APLF: variants seen among roughly 807,000 people sequenced by gnomAD.
The protein encoded by APLF is aprataxin and PNK-like factor.
In APLF, 61 loss-of-function variants were observed where a neutral mutation model predicts 55.6. The observed-to-expected ratio is 1.10, with a 90% CI of 0.89 to 1.36. The LOEUF (loss-of-function observed/expected upper bound fraction) is 1.36, where lower values mean the gene tolerates loss of function less well. Ranked by LOEUF, APLF falls within the 40% of genes most tolerant of loss-of-function variation. The pLI, the probability that APLF is intolerant of heterozygous loss-of-function variation, is 0.00. For synonymous variants in APLF, 207 were observed against 214.8 expected (o/e 0.96, Z 0.32); for missense variants, 611 against 602.5 (o/e 1.01, Z -0.15).
chr2:68,529,446 C>A lies in APLF; in HGVS notation c.804+3204C>A. The A allele has an allele frequency of 8.5e-7, 1 of 1,170,692 alleles. No individual in the cohort carries two copies. Among genetic ancestry groups the A allele is most frequent in the East Asian group, 4.7e-5 (1 of 21,064 alleles). The allele number at this position is 1,170,692 out of a possible 1,614,324, so 72.5% of individuals were successfully genotyped here. On this transcript the variant is annotated intron_variant, in intron 6 of 9. Transcript: ENST00000303795. This position sits in a 1 kb window ranked among gnomAD's most constrained non-coding sequence, Gnocchi z 4.4. Reference sequence around the variant, plus strand: ...CTGCGGCGGAACCAGGAACAAAATACGCTTAGTGAGTTGTCCATTTTGAGC... The same window carrying A: ...CTGCGGCGGAACCAGGAACAAAATAAGCTTAGTGAGTTGTCCATTTTGAGC...
intron 8 of APLF, among the ~76,000 whole-genome samples, chr2:68,565,508 C>CAGATAGATAGAT (rs71395978): frequency 8.9e-4 from 131 of 146,478 alleles, no homozygotes; most frequent in African/African-American, 3.2e-3. Context: ...GACAGATAGA[C>CAGATAGATAGAT]AGATAGATAC....
intron 8 of APLF, among the ~76,000 whole-genome samples, chr2:68,555,255 G>C (rs575112970): frequency 6.6e-6 from 1 of 152,206 alleles, no homozygotes; most frequent in African/African-American, 2.4e-5. Flanking sequence ...CTTAGACAAG[G>C]ATTTCATAAC....
chr2:68,568,420 T>C (rs1671365754), intron 9 of APLF: 1 of 556,384 alleles, frequency 1.8e-6, no homozygotes, highest in South Asian at 7.9e-5. Flanking sequence ...AAACACACTT[T>C]AGTGCTTTAG....
In APLF at chr2:68,490,118, C is replaced by T. The variant is rs988670913; in HGVS notation, c.97-72C>T. The T allele has an allele frequency of 3.4e-5, 36 of 1,058,976 alleles. No individual in the cohort carries two copies. The Middle Eastern group carries it at 8.4e-4, about 25-fold the overall frequency. The allele number at this position is 1,058,976 out of a possible 1,614,324, so 65.6% of individuals were successfully genotyped here. A position where few individuals can be genotyped will look rare whatever the true frequency, so the allele number is the denominator to read the frequency against. On this transcript the variant is annotated intron_variant, in intron 1 of 9. Coordinates refer to ENST00000303795, the MANE Select transcript of APLF (RefSeq NM_173545.3). ...ATTTCAGAAACATCGCCAAGGGTTT[C>T]GTTTGCCTTTTTGTTTTGTTGCTTT...
At chr2:68,478,304 G>A (rs929850292) in intron 1 of APLF, among the ~76,000 whole-genome samples, 4 of 152,166 alleles carry the variant, frequency 2.6e-5, no homozygotes, top group Non-Finnish European at 4.4e-5. Flanking sequence ...AAAGGAAAAG[G>A]AAATTCATGA....
chr2:68,578,648 T>C lies in APLF; in HGVS notation c.*626T>C. On this transcript the variant is annotated 3_prime_UTR_variant, in exon 10 of 10. Coordinates refer to ENST00000303795, the MANE Select transcript of APLF (RefSeq NM_173545.3). ...ACCATGTAGGGAATGTTATTTTGTG[T>C]TCCACATCTGCAATTTACTGTATGT... is the stretch of plus-strand genomic sequence containing the variant. 1.0e-6 allele frequency: 1 copy of C among 985,374 alleles called. No individual in the cohort carries two copies. Among genetic ancestry groups the C allele is most frequent in the African/African-American group, 1.7e-5 (1 of 57,360 alleles). The allele number at this position is 985,374 out of a possible 1,614,324, so 61.0% of individuals were successfully genotyped here.
chr2:68,553,626 T>G (rs1326669320), intron 8 of APLF, among the ~76,000 whole-genome samples: 3 of 152,064 alleles, frequency 2.0e-5, no homozygotes, highest in Non-Finnish European at 4.4e-5. Flanking sequence ...AAAAAAATAT[T>G]GAAGTTCCAC....
At chr2:68,469,004 G>GTT (rs1161071847) in intron 1 of APLF, among the ~76,000 whole-genome samples, 1 of 147,534 alleles carries the variant, frequency 6.8e-6, no homozygotes, top group Non-Finnish European at 1.5e-5. Flanking sequence ...GTGTGTGTGT[G>GTT]TGTGTGTGTG....
At chr2:68,518,744 C>CAATATATAATAAAAT (rs1669761049) in intron 5 of APLF, among the ~76,000 whole-genome samples, 2 of 119,448 alleles carry the variant, frequency 1.7e-5, no homozygotes, top group African/African-American at 7.0e-5. Context: ...ATGAATATAT[C>CAATATATAATAAAAT]ATTAATATAT....
rs556217444 is a variant in APLF at position 68,578,255 on chromosome 2, G to A, written c.*233G>A. 6.3e-5 allele frequency: 79 copies of A among 1,260,446 alleles called. No individual in the cohort carries two copies. The highest frequency in any genetic ancestry group is 6.4e-4 in the Middle Eastern group (2 of 3,128). The allele number at this position is 1,260,446 out of a possible 1,614,324, so 78.1% of individuals were successfully genotyped here. ...TACTTAAAGCATCTGGAAATAGGAA[G>A]ACAGAGAAGGTAGAGTAAAAATGGA... On this transcript the variant is annotated 3_prime_UTR_variant, in exon 10 of 10. Transcript: ENST00000303795.
At chr2:68,545,896 A>G (rs1466269675) in intron 8 of APLF, among the ~76,000 whole-genome samples, 1 of 152,180 alleles carries the variant, frequency 6.6e-6, no homozygotes, top group Non-Finnish European at 1.5e-5. Flanking sequence ...GTATCTTGCA[A>G]CTTTGCTTAA....
rs188304924 is a variant in APLF at position 68,540,052 on chromosome 2, T to C, written c.1160+1825T>C. 2.8e-3 allele frequency among the ~76,000 whole-genome samples: 432 copies of C among 152,240 alleles called. 1 individual carries two copies. The highest frequency in any genetic ancestry group is 5.1e-3 in the Non-Finnish European group (349 of 68,012). Reference sequence around the variant, plus strand: ...GGAATACATGTGCAGAACGTGCAGGTTTGTTATATAGGTATACATGTGCCA... The same window carrying C: ...GGAATACATGTGCAGAACGTGCAGGCTTGTTATATAGGTATACATGTGCCA... On this transcript the variant is annotated intron_variant, in intron 7 of 9. Coordinates refer to ENST00000303795, the MANE Select transcript of APLF (RefSeq NM_173545.3).
chr2:68,483,842 T>C (rs1395061747), intron 1 of APLF, among the ~76,000 whole-genome samples: 2 of 152,132 alleles, frequency 1.3e-5, no homozygotes, highest in African/African-American at 2.4e-5. Context: ...CATGAGAACA[T>C]TGAATTAATG....
intron 3 of APLF, among the ~76,000 whole-genome samples, chr2:68,507,218 T>TA (rs1676895071): frequency 6.6e-6 from 1 of 151,882 alleles, no homozygotes; most frequent in African/African-American, 2.4e-5. Context: ...TTTAAGACAT[T>TA]AAAAAAGAAT....
At chr2:68,493,985 G>A (rs1676455330) in intron 2 of APLF, among the ~76,000 whole-genome samples, 2 of 152,066 alleles carry the variant, frequency 1.3e-5, no homozygotes, top group Non-Finnish European at 1.5e-5. Context: ...GCGGGTGCCT[G>A]TAGTCCCAGC....
chr2:68,568,526 T>C (rs1032981079), intron 9 of APLF, among the ~76,000 whole-genome samples: 4 of 152,140 alleles, frequency 2.6e-5, no homozygotes, highest in African/African-American at 9.7e-5. Context: ...TCATATCTCA[T>C]GGTGTGGCAG....
At chr2:68,519,907 GGTT>G (rs926087359) in intron 5 of APLF, among the ~76,000 whole-genome samples, 9 of 151,842 alleles carry the variant, frequency 5.9e-5, no homozygotes, top group African/African-American at 9.6e-5. Context: ...TTTCTGTAGT[GGTT>G]GTTCTATTTT....
rs921004162 is a variant in APLF at position 68,467,885 on chromosome 2, C to T, written c.96+58C>T. The T allele has an allele frequency of 5.6e-5, 67 of 1,192,410 alleles. No homozygotes were observed. The Middle Eastern group carries it at 9.5e-4, about 17-fold the overall frequency. 73.9% of individuals were successfully genotyped at this position (1,192,410 alleles called of 1,614,324 possible). On this transcript the variant is annotated intron_variant, in intron 1 of 9. Transcript: ENST00000303795. Reference sequence around the variant, plus strand: ...GAGCCGTGGAGTTCCGCGCCGGCTCCTGAAGACCGGCCCTAGTCCTGGCCG... The same window carrying T: ...GAGCCGTGGAGTTCCGCGCCGGCTCTTGAAGACCGGCCCTAGTCCTGGCCG...
intron 9 of APLF, among the ~76,000 whole-genome samples, chr2:68,568,663 T>C (rs2104071360): frequency 6.6e-6 from 1 of 152,268 alleles, no homozygotes; most frequent in Non-Finnish European, 1.5e-5. Context: ...TATAACTTTA[T>C]AGAAATAGGA....
Sources: gnomAD v4.1 joint callset for allele counts (sites outside exome capture counted in the v4.1 genomes callset) on GRCh38, gnomAD v4.1.1 for gene constraint, Gnocchi (gnomAD v3.1) non-coding constraint, MANE v1.5 for transcripts, NCBI Gene and HGNC (gene_info 2026-07-23, HGNC 2026-07-21) for gene names.